The following MET variants were observed in gnomAD, a reference collection of about 807,000 sequenced individuals.
MET encodes MET proto-oncogene, receptor tyrosine kinase.
MET carries 48 observed loss-of-function variants against 133.1 expected under a neutral mutation model. The ratio of observed to expected loss-of-function variants is 0.36; its 90% CI spans 0.29 to 0.46. The LOEUF (loss-of-function observed/expected upper bound fraction) is 0.46, where lower values mean the gene tolerates loss of function less well. MET is among the 20% of genes least tolerant of loss of function. MET has a pLI of 1.00. For missense variants in MET, 1,442 were observed against 1,695.9 expected (o/e 0.85, Z 2.63); for synonymous variants, 628 against 616.5 (o/e 1.02, Z -0.28).
At chr7:116,735,975 G>T (rs901536116) in intron 3 of MET, among the ~76,000 whole-genome samples, 1 of 151,554 alleles carries the variant, frequency 6.6e-6, no homozygotes, top group East Asian at 1.9e-4. Flanking sequence ...CGGGTTTTTC[G>T]CCATGTTGGC....
chr7:116,725,842 A>G (rs1178172919), intron 2 of MET, among the ~76,000 whole-genome samples: 2 of 150,482 alleles, frequency 1.3e-5, no homozygotes, highest in Admixed American at 6.6e-5. Context: ...ATGTACTAGT[A>G]TATATATTTA....
intron 1 of MET, among the ~76,000 whole-genome samples, chr7:116,678,947 A>G (rs1796254716): frequency 6.6e-6 from 1 of 152,194 alleles, no homozygotes. Context: ...GCTAAGCGTC[A>G]ATAAACAGCA....
intron 19 of MET, among the ~76,000 whole-genome samples, chr7:116,792,918 A>G (rs545280060): frequency 2.0e-5 from 3 of 152,376 alleles, no homozygotes; most frequent in South Asian, 2.1e-4. Context: ...TGTAAAGGAT[A>G]TAATGCCTAT....
rs121913670 is a variant in MET at position 116,783,329 on chromosome 7, G to A, written c.3658G>A (p.Val1220Ile). Residue 1220 changes from valine to isoleucine, a missense_variant, in exon 19 of 21, where the codon GTT (valine) becomes ATT (isoleucine). By Grantham distance (29) the Val-to-Ile change is conservative. Transcript: ENST00000397752. ...CMLDEKFTVKVADFGLARDMY... is the reference protein window; with the variant it reads ...CMLDEKFTVKIADFGLARDMY... Reference sequence around the variant, plus strand: ...GCTGGATGAAAAATTCACAGTCAAGGTTGCTGATTTTGGTCTTGCCAGAGA... The same window carrying A: ...GCTGGATGAAAAATTCACAGTCAAGATTGCTGATTTTGGTCTTGCCAGAGA... 1.9e-6 allele frequency: 3 copies of A among 1,614,074 alleles called. No individual in the cohort carries two copies. Among genetic ancestry groups the A allele is most frequent in the South Asian group, 1.1e-5 (1 of 91,088 alleles).
intron 5 of MET, among the ~76,000 whole-genome samples, chr7:116,746,190 C>T (rs1158842973): frequency 2.6e-5 from 4 of 152,232 alleles, no homozygotes; most frequent in Non-Finnish European, 4.4e-5. Flanking sequence ...TGCTCATTAT[C>T]ACTGGCCATC....
intron 5 of MET, among the ~76,000 whole-genome samples, chr7:116,741,627 A>C (rs1793458177): frequency 6.6e-6 from 1 of 152,124 alleles, no homozygotes; most frequent in South Asian, 2.1e-4. Flanking sequence ...TCCCGGGGTG[A>C]GGTGGGCAAG....
chr7:116,709,815 A>G (rs896294593), intron 2 of MET, among the ~76,000 whole-genome samples: 1 of 152,188 alleles, frequency 6.6e-6, no homozygotes, highest in Non-Finnish European at 1.5e-5. Flanking sequence ...ATTTTTCTTC[A>G]TGTATTCAAT....
At chr7:116,749,554 A>G (rs1005352986) in intron 5 of MET, among the ~76,000 whole-genome samples, 1 of 152,168 alleles carries the variant, frequency 6.6e-6, no homozygotes, top group Non-Finnish European at 1.5e-5. Context: ...AGCACAAGAC[A>G]AGGATGCCCT....
Position 116,699,257 on chromosome 7 carries a change from A to G in MET, c.173A>G (p.His58Arg), listed in dbSNP as rs374578653. 5.6e-6 allele frequency: 9 copies of G among 1,613,900 alleles called. No homozygotes were observed. The highest frequency in any genetic ancestry group is 1.6e-4 in the Middle Eastern group (1 of 6,082). ...ACACCCATCCAGAATGTCATTCTAC[A>G]TGAGCATCACATTTTCCTTGGTGCC... ...AETPIQNVIL[H>R]EHHIFLGATN... Residue 58 changes from histidine to arginine, a missense_variant, in exon 2 of 21, where the codon CAT (histidine) becomes CGT (arginine). Around this residue, in one of 6 missense-constraint regions of MET, gnomAD observed 762 missense variants for 792.4 expected, o/e 0.96. Transcript: ENST00000397752.
chr7:116,699,490 G>A lies in MET; in HGVS notation c.406G>A (p.Val136Ile), dbSNP rs199701987. The A allele has an allele frequency of 2.6e-4, 412 of 1,613,970 alleles. No homozygotes were observed. Among genetic ancestry groups the A allele is most frequent in the Non-Finnish European group, 2.4e-4 (278 of 1,179,930 alleles). The stretch of plus-strand genomic sequence containing the variant: ...TGATCAACTCATTAGCTGTGGCAGC[G>A]TCAACAGAGGGACCTGCCAGCGACA... ...YDDQLISCGS[V>I]NRGTCQRHVF... Residue 136 changes from valine to isoleucine, a missense_variant, in exon 2 of 21, where the codon GTC becomes ATC. Transcript: ENST00000397752.
intron 2 of MET, chr7:116,724,862 C>T: frequency 7.8e-7 from 1 of 1,284,592 alleles, no homozygotes; most frequent in Non-Finnish European, 1.0e-6. Flanking sequence ...TGTGAACACT[C>T]AGTGCCTCAG....
At chr7:116,768,622 C>A (rs2116978030) in intron 11 of MET, among the ~76,000 whole-genome samples, 1 of 152,276 alleles carries the variant, frequency 6.6e-6, no homozygotes, top group Middle Eastern at 3.4e-3. Context: ...CTATTGAGAT[C>A]CGTATGAGAC....
rs1584914409 is a variant in MET, at chr7:116,731,860, G to T, written c.1392+1G>T. ...GACATCAGAGGGTCGCTTCATGCAG[G>T]TAAGTGCTTTCTGAGAGTAGCTGTG... On this transcript the variant is annotated splice_donor_variant, in intron 3 of 20. Transcript: ENST00000397752. LOFTEE classifies it high-confidence loss of function. 3 of 1,613,844 alleles carry T rather than the reference G, an allele frequency of 1.9e-6. No homozygotes were observed. Among genetic ancestry groups the T allele is most frequent in the Non-Finnish European group, 2.5e-6 (3 of 1,179,796 alleles).
intron 19 of MET, among the ~76,000 whole-genome samples, chr7:116,788,206 G>A (rs1457650213): frequency 6.6e-6 from 1 of 152,184 alleles, no homozygotes; most frequent in Non-Finnish European, 1.5e-5. Context: ...ATGGACATGA[G>A]GGAATTTTCT....
intron 2 of MET, among the ~76,000 whole-genome samples, chr7:116,715,512 C>G (rs1002731933): frequency 6.6e-6 from 1 of 152,216 alleles, no homozygotes; most frequent in Non-Finnish European, 1.5e-5. Flanking sequence ...AGATCCTTAA[C>G]TAATCACATA....
chr7:116,778,550 G>A (rs1224944892), intron 16 of MET, among the ~76,000 whole-genome samples: 1 of 152,170 alleles, frequency 6.6e-6, no homozygotes, highest in Non-Finnish European at 1.5e-5. Context: ...CTGGTGGCTG[G>A]TTGGACTCTA....
chr7:116,735,918 A>C (rs1023359328), intron 3 of MET, among the ~76,000 whole-genome samples: 1 of 151,896 alleles, frequency 6.6e-6, no homozygotes, highest in Non-Finnish European at 1.5e-5. Flanking sequence ...CTGGGATTAC[A>C]GGCACGTACC....
chr7:116,758,387 T>C, intron 8 of MET, 72 bp from the exon 9 acceptor site: 1 of 1,449,046 alleles, frequency 6.9e-7, no homozygotes, highest in South Asian at 1.2e-5. Context: ...ATCCTTTTGA[T>C]TTGTGGATAT....
At chr7:116,696,275 CTT>C (rs1361706649) in intron 1 of MET, among the ~76,000 whole-genome samples, 1 of 152,138 alleles carries the variant, frequency 6.6e-6, no homozygotes, top group Non-Finnish European at 1.5e-5. Flanking sequence ...CATCAAGTGA[CTT>C]GAGCTTCCCA....
Sources: gnomAD v4.1 joint callset for allele counts (sites outside exome capture counted in the v4.1 genomes callset) on GRCh38, gnomAD v4.1.1 for gene constraint, gnomAD v4.1.1 regional missense constraint, MANE v1.5 for transcripts, NCBI Gene and HGNC (gene_info 2026-07-23, HGNC 2026-07-21) for gene names.